The following FAM53B variants were observed in gnomAD, a reference collection of about 807,000 sequenced individuals.
FAM53B encodes family with sequence similarity 53 member B.
A neutral mutation model predicts 32.7 loss-of-function variants in FAM53B; 12 were observed. The observed-to-expected ratio is 0.37, with a 90% CI of 0.24 to 0.59. The LOEUF is 0.59. Ranked by LOEUF, FAM53B falls within the 20% of genes least tolerant of loss-of-function variation. The probability of loss-of-function intolerance (pLI) is 0.72; values close to 1 mark genes in which losing one functional copy is unlikely to be tolerated. For missense variants in FAM53B, 477 were observed against 577.7 expected (o/e 0.83, Z 1.79); for synonymous variants, 234 against 228.7 (o/e 1.02, Z -0.21).
chr10:124,721,839 T>C lies in FAM53B; in HGVS notation c.-174-14952A>G, dbSNP rs192892189. Among the ~76,000 whole-genome samples the C allele has an allele frequency of 1.6e-3, 237 of 152,258 alleles. 1 individual carries two copies. Among genetic ancestry groups the C allele is most frequent in the African/African-American group, 5.0e-3 (207 of 41,532 alleles). ...TCCTACTCATGAGCAAAATAGTACA[T>C]ATCGTATCGTTAGGCACAGCCAAGA... On this transcript the variant is annotated intron_variant, in intron 1 of 4. Coordinates refer to ENST00000337318, the MANE Select transcript of FAM53B (RefSeq NM_014661.4).
intron 4 of FAM53B, among the ~76,000 whole-genome samples, chr10:124,647,464 T>TA (rs1949524862): frequency 6.6e-6 from 1 of 152,318 alleles, no homozygotes; most frequent in Admixed American, 6.5e-5. Context: ...AAGCTCCCTG[T>TA]AGACAGGCAG....
At chr10:124,636,944 G>T (rs1164933899) in intron 4 of FAM53B, among the ~76,000 whole-genome samples, 3 of 151,996 alleles carry the variant, frequency 2.0e-5, no homozygotes, top group Non-Finnish European at 4.4e-5. Flanking sequence ...CTCTCGATCT[G>T]GGGGGAGCGA....
At position 124,623,589 on chromosome 10, in the gene FAM53B, T is replaced by A. The variant is rs751975737; in HGVS notation, c.922A>T (p.Ser308Cys). The A allele has an allele frequency of 6.2e-7, 1 of 1,609,656 alleles. No individual in the cohort carries two copies. Among genetic ancestry groups the A allele is most frequent in the South Asian group, 1.1e-5 (1 of 90,674 alleles). The change falls in exon 5 of 5, where the codon AGC (serine) becomes TGC (cysteine). Residue 308 changes from serine to cysteine, a missense_variant. Physicochemically the swap from Ser to Cys is moderately radical, Grantham distance 112. Around this residue, in one of 2 missense-constraint regions of FAM53B, gnomAD observed 312 missense variants for 420.2 expected, o/e 0.74. Transcript: ENST00000337318. Reference protein sequence around the residue: ...AKMAQNCQTFSSLSCLSAGTE... With the variant: ...AKMAQNCQTFCSLSCLSAGTE... ...CCTGCGCTCAGGCAGCTGAGGCTGC[T>A]GAAGGTCTGACAGTTCTGTGGAGGG...
chr10:124,672,456 CCT>C (rs940404115), intron 4 of FAM53B, among the ~76,000 whole-genome samples: 2 of 152,264 alleles, frequency 1.3e-5, no homozygotes, highest in African/African-American at 4.8e-5. Flanking sequence ...TTCGCTGCAT[CCT>C]CTGAGGCCCA....
rs767328631 is a variant in FAM53B, at chr10:124,651,527, G to C, written c.907-27923C>G. 6.6e-6 allele frequency among the ~76,000 whole-genome samples: 1 copy of C among 152,170 alleles called. No individual in the cohort carries two copies. The highest frequency in any genetic ancestry group is 2.1e-4 in the South Asian group (1 of 4,826). On this transcript the variant is annotated intron_variant, in intron 4 of 4. Coordinates refer to ENST00000337318, the MANE Select transcript of FAM53B (RefSeq NM_014661.4). This position sits in a 1 kb window ranked among gnomAD's most constrained non-coding sequence, Gnocchi z 5.2. ...GTAGCAGGGAGCCCAGCCGCTGGAC[G>C]GAATCACAATCCCACACACGGCACC...
At chr10:124,669,260 T>C in intron 4 of FAM53B, among the ~76,000 whole-genome samples, 1 of 152,262 alleles carries the variant, frequency 6.6e-6, no homozygotes, top group East Asian at 1.9e-4. Flanking sequence ...CCGCTCAGTG[T>C]GGCAGAGCAC....
intron 4 of FAM53B, chr10:124,667,553 A>G (rs1949680795): frequency 1.5e-6 from 1 of 680,656 alleles, no homozygotes; most frequent in Non-Finnish European, 2.7e-6. Context: ...GAGCCTCCAC[A>G]TCCACAGGGC....
chr10:124,711,268 A>C (rs554854188), intron 1 of FAM53B, among the ~76,000 whole-genome samples: 6 of 152,300 alleles, frequency 3.9e-5, no homozygotes, highest in African/African-American at 1.4e-4. Context: ...AAATGGCAAA[A>C]TTATAGAATT....
At chr10:124,714,758 C>CAAAA (rs71484584) in intron 1 of FAM53B, among the ~76,000 whole-genome samples, 121 of 90,552 alleles carry the variant, frequency 1.3e-3, no homozygotes, top group Non-Finnish European at 1.7e-3. Context: ...GACTCCACCT[C>CAAAA]AAAAAAAAAA....
chr10:124,639,197 A>T (rs1228158939), intron 4 of FAM53B, among the ~76,000 whole-genome samples: 2 of 152,150 alleles, frequency 1.3e-5, no homozygotes, highest in African/African-American at 4.8e-5. Context: ...GAGGTGGGCC[A>T]TGGGGGGTTG....
chr10:124,643,180 C>T (rs376628847), intron 4 of FAM53B, among the ~76,000 whole-genome samples: 85 of 152,300 alleles, frequency 5.6e-4, no homozygotes, highest in African/African-American at 1.9e-3. Flanking sequence ...ATTGTTGGAA[C>T]GCTCAGGTTA....
At chr10:124,718,917 A>T (rs1250870672) in intron 1 of FAM53B, among the ~76,000 whole-genome samples, 1 of 152,180 alleles carries the variant, frequency 6.6e-6, no homozygotes, top group South Asian at 2.1e-4. Flanking sequence ...GTATGGTGGC[A>T]TACACCTGTG....
intron 4 of FAM53B, among the ~76,000 whole-genome samples, chr10:124,644,368 G>C (rs1949497746): frequency 6.6e-6 from 1 of 152,204 alleles, no homozygotes; most frequent in Non-Finnish European, 1.5e-5. Context: ...GCAAACCTAG[G>C]AGCTTTGGCT....
At chr10:124,720,665 C>T (rs904337559) in intron 1 of FAM53B, among the ~76,000 whole-genome samples, 2 of 152,092 alleles carry the variant, frequency 1.3e-5, no homozygotes, top group Non-Finnish European at 1.5e-5. Flanking sequence ...GCGTGGCAGG[C>T]AACTGTACTC....
intron 1 of FAM53B, among the ~76,000 whole-genome samples, chr10:124,735,793 G>C (rs1193205837): frequency 6.6e-6 from 1 of 152,252 alleles, no homozygotes; most frequent in African/African-American, 2.4e-5. Flanking sequence ...TGGGGGTGCT[G>C]TCAGCACTGC....
chr10:124,689,690 T>C lies in FAM53B; in HGVS notation c.133+6468A>G, dbSNP rs759876181. 8.9e-4 allele frequency among the ~76,000 whole-genome samples: 135 copies of C among 152,328 alleles called. No individual in the cohort carries two copies. In the Middle Eastern group the frequency reaches 0.01, roughly 12 times the overall value. On this transcript the variant is annotated intron_variant, in intron 3 of 4. Coordinates refer to ENST00000337318, the MANE Select transcript of FAM53B (RefSeq NM_014661.4). ...GACAAAGATCGGGGTTCAGAGCCAT[T>C]ACCAGGGCCCTGCCCTTACCAGCAG...
intron 3 of FAM53B, among the ~76,000 whole-genome samples, chr10:124,691,332 G>A (rs1949831331): frequency 6.6e-6 from 1 of 152,198 alleles, no homozygotes; most frequent in East Asian, 1.9e-4. Context: ...GGCGGCACAA[G>A]GAGGGCTGCT....
At position 124,682,251 on chromosome 10, in the gene FAM53B, C is replaced by A. The variant is rs367682100; in HGVS notation, c.262G>T (p.Ala88Ser). 3 of 1,613,886 alleles carry A rather than the reference C, an allele frequency of 1.9e-6. No individual in the cohort carries two copies. The highest frequency in any genetic ancestry group is 2.2e-5 in the South Asian group (2 of 91,062). The change falls in exon 4 of 5, where the codon GCT becomes TCT. Residue 88 changes from alanine to serine, a missense_variant. By Grantham distance (99) the Ala-to-Ser change is moderately conservative. Around this residue, in one of 2 missense-constraint regions of FAM53B, gnomAD observed 312 missense variants for 420.2 expected, o/e 0.74. Coordinates refer to ENST00000337318, the MANE Select transcript of FAM53B (RefSeq NM_014661.4). The surrounding 1 kb of genome is among the most constrained non-coding windows in gnomAD (Gnocchi z 5.2). ...LWHREAVTACAVTSLIKDLSI... is the reference protein window; with the variant it reads ...LWHREAVTACSVTSLIKDLSI... ...AGGTCTTTGATCAGACTGGTCACAG[C>A]GCAGGCGGTCACTGCCTCCCGGTGC...
At chr10:124,625,709 C>T (rs1273449377) in intron 4 of FAM53B, among the ~76,000 whole-genome samples, 2 of 152,202 alleles carry the variant, frequency 1.3e-5, no homozygotes, top group African/African-American at 4.8e-5. Flanking sequence ...TCTCAGCCAC[C>T]CTCTTGACTG....
Sources: gnomAD v4.1 joint callset for allele counts (sites outside exome capture counted in the v4.1 genomes callset) on GRCh38, gnomAD v4.1.1 for gene constraint, gnomAD v4.1.1 regional missense constraint, Gnocchi (gnomAD v3.1) non-coding constraint, MANE v1.5 for transcripts, NCBI Gene and HGNC (gene_info 2026-07-23, HGNC 2026-07-21) for gene names.